Variants in ADGRL3 observed in about 807,000 individuals in gnomAD.
ADGRL3 encodes the protein adhesion G protein-coupled receptor L3.
Under a neutral mutation model 153.5 loss-of-function variants are expected in ADGRL3, and 62 were observed. The observed-to-expected ratio is 0.40, with a 90% CI of 0.33 to 0.50. The LOEUF is 0.50. Ranked by LOEUF, ADGRL3 falls within the 20% of genes least tolerant of loss-of-function variation. The pLI is 0.47. For synonymous variants in ADGRL3, 710 were observed against 672.5 expected, an observed-to-expected ratio of 1.06 and a Z score of -0.86; for missense variants, 1,641 against 1,859.4, an observed-to-expected ratio of 0.88 and a Z score of 2.16.
chr4:61,832,692 T>C (rs1372800561), intron 9 of ADGRL3, among the ~76,000 whole-genome samples: 1 of 152,198 alleles, frequency 6.6e-6, no homozygotes, highest in African/African-American at 2.4e-5. Context: ...CTGGATTGAC[T>C]ATATCAAAAA....
intron 6 of ADGRL3, among the ~76,000 whole-genome samples, chr4:61,694,176 ATTATTT>A (rs2095593684): frequency 4.3e-4 from 41 of 94,672 alleles, no homozygotes; most frequent in Non-Finnish European, 7.2e-4. Flanking sequence ...AAATTTTGTC[ATTATTT>A]TTTTTTTTTT....
chr4:62,051,208 T>G (rs976702764), intron 25 of ADGRL3, among the ~76,000 whole-genome samples: 1 of 148,818 alleles, frequency 6.7e-6, no homozygotes, highest in Non-Finnish European at 1.5e-5. Context: ...ACACAAAGGA[T>G]ATATATGTAC....
rs375446559 is a variant in ADGRL3 at position 61,909,732 on chromosome 4, G to A, written c.2060G>A (p.Arg687Gln). Residue 687 changes from arginine to glutamine, a missense_variant, in exon 12 of 27, where the codon CGG (arginine) becomes CAG (glutamine). By Grantham distance (43) the Arg-to-Gln change is conservative. Transcript: ENST00000683033. ...CCAGGTGGAAAAGATAGTGCTGCCC[G>A]GAGTTTGAACAAGGTAAGGACCCTA... ...LTPGGKDSAA[R>Q]SLNKLQKRER... 5.2e-6 allele frequency: 8 copies of A among 1,553,294 alleles called. No homozygotes were observed. Among genetic ancestry groups the A allele is most frequent in the Admixed American group, 2.0e-5 (1 of 51,034 alleles).
At chr4:61,806,825 A>G (rs953660573) in intron 8 of ADGRL3, among the ~76,000 whole-genome samples, 4 of 152,076 alleles carry the variant, frequency 2.6e-5, no homozygotes, top group Admixed American at 2.0e-4. Context: ...ATATAATACG[A>G]TGAATCGTAT....
chr4:61,721,235 A>G (rs564707708), intron 6 of ADGRL3, among the ~76,000 whole-genome samples: 50 of 152,286 alleles, frequency 3.3e-4, no homozygotes, highest in African/African-American at 1.2e-3. Flanking sequence ...AAGTCCCACA[A>G]TAGGCTGCCT....
intron 5 of ADGRL3, among the ~76,000 whole-genome samples, chr4:61,648,349 C>CTT (rs34166403): frequency 0.34 from 33,874 of 99,142 alleles, 5,890 homozygotes; most frequent in Non-Finnish European, 0.46. Flanking sequence ...ATGAAATCGG[C>CTT]TTTTTTTTTT....
At position 62,074,220 on chromosome 4, in the gene ADGRL3, A is replaced by T. The variant is rs1171342137; in HGVS notation, c.*3312A>T. On this transcript the variant is annotated 3_prime_UTR_variant, in exon 27 of 27. Coordinates refer to ENST00000683033, the MANE Select transcript of ADGRL3 (RefSeq NM_001387552.1). ...TAAGAAGTAAATTTCCGTCAAACAGATGTAGTATACCGCTATAATACAGCT... is the reference window on the plus strand; with the variant it reads ...TAAGAAGTAAATTTCCGTCAAACAGTTGTAGTATACCGCTATAATACAGCT... 1.3e-5 allele frequency: 2 copies of T among 152,146 alleles called. No homozygotes were observed. The highest frequency in any genetic ancestry group is 2.4e-5 in the African/African-American group (1 of 41,446). 9.4% of individuals were successfully genotyped at this position (152,146 alleles called of 1,614,324 possible).
rs564486992 is a variant in ADGRL3, at chr4:61,747,215, A to T, written c.1399+13661A>T. Among the ~76,000 whole-genome samples the T allele has an allele frequency of 9.1e-3, 1,383 of 151,270 alleles. 30 individuals carry two copies. Among genetic ancestry groups the T allele is most frequent in the African/African-American group, 0.032 (1,309 of 40,952 alleles). On this transcript the variant is annotated intron_variant, in intron 8 of 26. Coordinates refer to ENST00000683033, the MANE Select transcript of ADGRL3 (RefSeq NM_001387552.1). ...AGGCTCTGAAATTGTGGCAATAATC[A>T]ATAGCTTACCAACCAAAAAGAGTCC... is the stretch of plus-strand genomic sequence containing the variant.
At position 61,464,781 on chromosome 4, in the gene ADGRL3, G is replaced by A. The variant is rs567458705; in HGVS notation, c.-173-32340G>A. Among the ~76,000 whole-genome samples, 8 of 152,170 alleles carry A rather than the reference G, an allele frequency of 5.3e-5. No individual in the cohort carries two copies. The East Asian group carries it at 1.5e-3, about 29-fold the overall frequency. ...TATGCAAAGTATTTGTTAATTATCT[G>A]TTCCCCAGAAAATTAGTTAAGGATG... On this transcript the variant is annotated intron_variant, in intron 2 of 26. Transcript: ENST00000683033.
At chr4:61,765,264 A>C (rs1381935399) in intron 8 of ADGRL3, among the ~76,000 whole-genome samples, 1 of 152,014 alleles carries the variant, frequency 6.6e-6, no homozygotes, top group Admixed American at 6.5e-5. Flanking sequence ...TAGGGATGAC[A>C]GGTTTTTTGG....
At chr4:61,661,825 A>G (rs1319756236) in intron 5 of ADGRL3, among the ~76,000 whole-genome samples, 1 of 152,216 alleles carries the variant, frequency 6.6e-6, no homozygotes, top group African/African-American at 2.4e-5. Flanking sequence ...TTTGGGATCA[A>G]TATTAAAAAA....
rs2099061745 is a variant in ADGRL3, at chr4:61,979,935, T to C, written c.3015+163T>C. Among the ~76,000 whole-genome samples, 6 of 152,324 alleles carry C rather than the reference T, an allele frequency of 3.9e-5. 1 individual carries two copies. In the South Asian group the frequency reaches 1.2e-3, roughly 32 times the overall value. On this transcript the variant is annotated intron_variant, in intron 18 of 26. Coordinates refer to ENST00000683033, the MANE Select transcript of ADGRL3 (RefSeq NM_001387552.1). ...TCAGTTTTCCATTTTTCATATCCCATTGTCATAAATAAGCAGCAAACTTTA... is the reference window on the plus strand; with the variant it reads ...TCAGTTTTCCATTTTTCATATCCCACTGTCATAAATAAGCAGCAAACTTTA...
chr4:61,869,824 G>C (rs556103123), intron 9 of ADGRL3, among the ~76,000 whole-genome samples: 1 of 150,796 alleles, frequency 6.6e-6, no homozygotes, highest in Admixed American at 6.6e-5. Context: ...TGTAATCCCA[G>C]CTACTCCGGA....
intron 4 of ADGRL3, among the ~76,000 whole-genome samples, chr4:61,558,168 GGAATCATATATATATATATATATATAT>G (rs2098776553): frequency 1.2e-5 from 1 of 81,590 alleles, no homozygotes; most frequent in African/African-American, 7.1e-5. Context: ...CACATATGTA[GGAATCATATATATATATATATATATAT>G]GATTTACACT....
intron 8 of ADGRL3, among the ~76,000 whole-genome samples, chr4:61,799,303 C>A (rs1445944940): frequency 1.3e-5 from 2 of 151,918 alleles, no homozygotes; most frequent in Admixed American, 6.6e-5. Context: ...GACTAGCAAA[C>A]TTCTTCTGTA....
intron 2 of ADGRL3, among the ~76,000 whole-genome samples, chr4:61,485,051 A>G (rs541881930): frequency 6.6e-6 from 1 of 152,296 alleles, no homozygotes; most frequent in Admixed American, 6.5e-5. Flanking sequence ...ATCTAGCACA[A>G]CTTTAGAAAC....
intron 8 of ADGRL3, among the ~76,000 whole-genome samples, chr4:61,745,064 G>C (rs1051309337): frequency 6.6e-6 from 1 of 152,216 alleles, no homozygotes; most frequent in African/African-American, 2.4e-5. Flanking sequence ...ACTATGTGAA[G>C]AATGCAGAAG....
chr4:61,219,145 A>G (rs1311914099), intron 1 of ADGRL3, among the ~76,000 whole-genome samples: 1 of 152,158 alleles, frequency 6.6e-6, no homozygotes, highest in African/African-American at 2.4e-5. Context: ...TCTGCATTGC[A>G]TAGTACCCAT....
At chr4:61,930,191 A>T (rs913086371) in intron 13 of ADGRL3, among the ~76,000 whole-genome samples, 1 of 151,874 alleles carries the variant, frequency 6.6e-6, no homozygotes, top group Admixed American at 6.6e-5. Flanking sequence ...AAAAAAAAAA[A>T]AATGCCATGG....
Sources: gnomAD v4.1 joint callset for allele counts (sites outside exome capture counted in the v4.1 genomes callset) on GRCh38, gnomAD v4.1.1 for gene constraint, MANE v1.5 for transcripts, NCBI Gene and HGNC (gene_info 2026-07-23, HGNC 2026-07-21) for gene names.